The following RANBP2 variants were observed in gnomAD, a reference collection of about 807,000 sequenced individuals.
RANBP2 encodes RAN binding protein 2.
In RANBP2, 57 loss-of-function variants were observed where a neutral mutation model predicts 303.6. The observed-to-expected ratio is 0.19, with a 90% CI of 0.15 to 0.23. The LOEUF (loss-of-function observed/expected upper bound fraction) is 0.23. Ranked by LOEUF, RANBP2 falls within the 10% of genes least tolerant of loss-of-function variation. The probability of loss-of-function intolerance (pLI) is 1.00; values close to 1 mark genes in which losing one functional copy is unlikely to be tolerated. For synonymous variants in RANBP2, 1,167 were observed against 1,301.5 expected (o/e 0.90, Z 2.23); for missense variants, 3,138 against 3,780.8 (o/e 0.83, Z 4.46).
chr2:108,858,710 T>A, the RANBP2 span, among the ~76,000 whole-genome samples: 722 of 152,230 alleles, frequency 4.7e-3, 7 homozygotes, highest in South Asian at 0.023. Context: ...CTTTTTTTTT[T>A]TAATTTTAGA....
the RANBP2 span, among the ~76,000 whole-genome samples, chr2:109,464,527 T>A: frequency 2.6e-5 from 4 of 152,228 alleles, no homozygotes; most frequent in Non-Finnish European, 2.9e-5. Flanking sequence ...TACATAGCCT[T>A]GCATACATAC....
At chr2:109,719,492 T>TCAC in the RANBP2 span, among the ~76,000 whole-genome samples, 5 of 149,874 alleles carry the variant, frequency 3.3e-5, no homozygotes, top group African/African-American at 1.2e-4. Context: ...CTGCAACCTC[T>TCAC]GGCTCCCCGG....
intron 4 of RANBP2, among the ~76,000 whole-genome samples, chr2:108,735,232 G>C (rs547605402): frequency 5.3e-5 from 8 of 152,270 alleles, no homozygotes; most frequent in African/African-American, 1.9e-4. Flanking sequence ...GACTGGGGAG[G>C]TCTAGGCTTC....
the RANBP2 span, among the ~76,000 whole-genome samples, chr2:109,442,495 T>C: frequency 1.3e-3 from 191 of 152,260 alleles, no homozygotes; most frequent in Non-Finnish European, 2.3e-3. Context: ...CTTTAAAATA[T>C]AATTGACTGT....
At chr2:109,014,785 G>A in the RANBP2 span, among the ~76,000 whole-genome samples, 2 of 152,208 alleles carry the variant, frequency 1.3e-5, no homozygotes, top group African/African-American at 4.8e-5. Flanking sequence ...GTGCAGGCAA[G>A]TGACTTAATG....
chr2:108,969,069 A>C, the RANBP2 span, among the ~76,000 whole-genome samples: 1 of 152,192 alleles, frequency 6.6e-6, no homozygotes, highest in Non-Finnish European at 1.5e-5. Flanking sequence ...TGAGTCCCTG[A>C]TGCACAGTCA....
chr2:109,423,025 C>G, the RANBP2 span, among the ~76,000 whole-genome samples: 1 of 152,186 alleles, frequency 6.6e-6, no homozygotes, highest in African/African-American at 2.4e-5. Flanking sequence ...GAGCCTTGGT[C>G]TGGGACTGCA....
chr2:108,983,979 G>C, the RANBP2 span, among the ~76,000 whole-genome samples: 12 of 152,224 alleles, frequency 7.9e-5, no homozygotes, highest in African/African-American at 2.9e-4. Context: ...TCCCAGCAGG[G>C]CTGCAAGGGG....
chr2:108,846,925 C>T, the RANBP2 span: 11 of 1,573,988 alleles, frequency 7.0e-6, no homozygotes, highest in Non-Finnish European at 9.6e-6. Flanking sequence ...AAAACAGTCA[C>T]TCAAGGTAAG....
chr2:108,947,472 T>G, the RANBP2 span, among the ~76,000 whole-genome samples: 8 of 152,170 alleles, frequency 5.3e-5, no homozygotes, highest in East Asian at 1.2e-3. Flanking sequence ...TTGGTAGAGG[T>G]TCTCCATGAG....
At chr2:109,399,308 C>T in the RANBP2 span, among the ~76,000 whole-genome samples, 1 of 152,178 alleles carries the variant, frequency 6.6e-6, no homozygotes. Flanking sequence ...ATATTTTTAC[C>T]ATCTCTGCAA....
At chr2:109,623,440 A>C in the RANBP2 span, among the ~76,000 whole-genome samples, 3 of 152,104 alleles carry the variant, frequency 2.0e-5, no homozygotes, top group Non-Finnish European at 4.4e-5. Flanking sequence ...GGGTTAACAG[A>C]ATGAACAGCT....
At chr2:109,719,005 T>C in the RANBP2 span, among the ~76,000 whole-genome samples, 1 of 42,846 alleles carries the variant, frequency 2.3e-5, no homozygotes, top group Non-Finnish European at 5.6e-5. Context: ...TGAGACTCCA[T>C]CTAAAAAAAA....
At chr2:109,334,194 A>C in the RANBP2 span, among the ~76,000 whole-genome samples, 1 of 152,096 alleles carries the variant, frequency 6.6e-6, no homozygotes, top group Non-Finnish European at 1.5e-5. Context: ...CGTCCCTACA[A>C]AAAAATAGAA....
the RANBP2 span, among the ~76,000 whole-genome samples, chr2:109,268,753 AG>A: frequency 6.7e-6 from 1 of 148,582 alleles, no homozygotes; most frequent in Non-Finnish European, 1.5e-5. Context: ...AAAAAAAAAA[AG>A]GCTTTGAGTC....
chr2:108,902,373 C>T, the RANBP2 span, among the ~76,000 whole-genome samples: 1 of 152,064 alleles, frequency 6.6e-6, no homozygotes, highest in Non-Finnish European at 1.5e-5. Flanking sequence ...GAGACTCCAT[C>T]TCAAAAACAA....
the RANBP2 span, among the ~76,000 whole-genome samples, chr2:109,396,270 C>T: frequency 6.6e-6 from 1 of 152,124 alleles, no homozygotes; most frequent in Non-Finnish European, 1.5e-5. Context: ...ATGAATACAG[C>T]CATAAAATAG....
At chr2:109,109,222 T>C in the RANBP2 span, among the ~76,000 whole-genome samples, 1 of 152,252 alleles carries the variant, frequency 6.6e-6, no homozygotes, top group East Asian at 1.9e-4. Flanking sequence ...TGGAGCGCTC[T>C]TGAAAAGCAG....
intron 6 of RANBP2, 117 bp downstream of exon 6, chr2:108,736,366 A>G (rs1168347806): frequency 1.3e-5 from 20 of 1,585,502 alleles, no homozygotes; most frequent in East Asian, 2.2e-5. Flanking sequence ...CCTAGGAGTT[A>G]TAGTTAATAC....
Sources: allele counts gnomAD v4.1 joint callset (sites outside exome capture counted in the v4.1 genomes callset), GRCh38; gene constraint gnomAD v4.1.1; transcripts MANE v1.5; gene names NCBI Gene and HGNC (gene_info 2026-07-23, HGNC 2026-07-21).